KCTD16: variants seen among roughly 807,000 people sequenced by gnomAD.
KCTD16 encodes BTB/POZ domain-containing protein KCTD16.
A neutral mutation model predicts 33.2 loss-of-function variants in KCTD16; 13 were observed. The observed-to-expected ratio is 0.39, with a 90% CI of 0.25 to 0.62. The LOEUF is 0.62. Among genes scored for constraint, KCTD16 ranks in the 20% least tolerant of loss-of-function variants. The pLI is 0.50. For synonymous variants in KCTD16, 197 were observed against 195.3 expected, an observed-to-expected ratio of 1.01 and a Z score of -0.07; for missense variants, 441 against 525.1, an observed-to-expected ratio of 0.84 and a Z score of 1.57.
At chr5:144,329,870 G>A (rs146255809) in intron 3 of KCTD16, among the ~76,000 whole-genome samples, 1 of 152,248 alleles carries the variant, frequency 6.6e-6, no homozygotes, top group African/African-American at 2.4e-5. Context: ...AGACATGAAG[G>A]TATTTGAAGT....
chr5:144,427,198 A>G (rs1034565971), intron 3 of KCTD16, among the ~76,000 whole-genome samples: 4 of 151,968 alleles, frequency 2.6e-5, no homozygotes, highest in Admixed American at 6.6e-5. Context: ...GTTTCAGGAT[A>G]AAGAAGTTGG....
chr5:144,175,766 T>C (rs1752491622), intron 2 of KCTD16, among the ~76,000 whole-genome samples: 1 of 152,226 alleles, frequency 6.6e-6, no homozygotes, highest in Non-Finnish European at 1.5e-5. Flanking sequence ...AAGGGTTGTA[T>C]GATATAATGT....
At chr5:144,260,318 A>C (rs1357242784) in intron 3 of KCTD16, among the ~76,000 whole-genome samples, 1 of 152,188 alleles carries the variant, frequency 6.6e-6, no homozygotes, top group Non-Finnish European at 1.5e-5. Context: ...ACCTGGAAAT[A>C]ATTAAACTCT....
chr5:144,452,792 AAAG>A (rs1261678599), intron 3 of KCTD16, among the ~76,000 whole-genome samples: 1 of 151,938 alleles, frequency 6.6e-6, no homozygotes, highest in East Asian at 1.9e-4. Context: ...AAAAAGGAAA[AAAG>A]AAGCCTCACA....
chr5:144,280,682 C>G (rs1013654818), intron 3 of KCTD16, among the ~76,000 whole-genome samples: 1 of 152,138 alleles, frequency 6.6e-6, no homozygotes, highest in East Asian at 1.9e-4. Context: ...CCCAGCACTT[C>G]GGGAGGCCAA....
At chr5:144,363,938 G>A (rs1467070461) in intron 3 of KCTD16, among the ~76,000 whole-genome samples, 1 of 152,126 alleles carries the variant, frequency 6.6e-6, no homozygotes, top group African/African-American at 2.4e-5. Flanking sequence ...GATAATGCAG[G>A]TTGATGGGCT....
chr5:144,278,466 A>C (rs1000359647), intron 3 of KCTD16, among the ~76,000 whole-genome samples: 34 of 99,602 alleles, frequency 3.4e-4, no homozygotes, highest in African/African-American at 1.3e-3. Context: ...TGTTTTGACT[A>C]TTTTTGTTTG....
chr5:144,383,339 C>A (rs1470926934), intron 3 of KCTD16, among the ~76,000 whole-genome samples: 1 of 152,116 alleles, frequency 6.6e-6, no homozygotes, highest in Non-Finnish European at 1.5e-5. Flanking sequence ...TTTCTTTTCA[C>A]ATTTTGTTGA....
chr5:144,247,331 A>G (rs976453206), intron 3 of KCTD16, among the ~76,000 whole-genome samples: 1 of 152,156 alleles, frequency 6.6e-6, no homozygotes, highest in African/African-American at 2.4e-5. Flanking sequence ...AAGAAATCTG[A>G]TCACCCTGAG....
chr5:144,463,058 C>G (rs1461458222), intron 3 of KCTD16, among the ~76,000 whole-genome samples: 3 of 152,156 alleles, frequency 2.0e-5, no homozygotes, highest in Non-Finnish European at 2.9e-5. Context: ...TTCTACTGCT[C>G]TTAGAGTCAC....
chr5:144,470,480 T>A (rs1468905204), intron 3 of KCTD16, among the ~76,000 whole-genome samples: 1 of 152,174 alleles, frequency 6.6e-6, no homozygotes, highest in African/African-American at 2.4e-5. Flanking sequence ...TAATATTGGA[T>A]CAGCTGGATG....
intron 3 of KCTD16, among the ~76,000 whole-genome samples, chr5:144,351,749 C>T (rs190079090): frequency 6.6e-6 from 1 of 152,196 alleles, no homozygotes; most frequent in Admixed American, 6.5e-5. Flanking sequence ...CTGTCATTTG[C>T]AACAACATGA....
chr5:144,278,694 T>G (rs888858360), intron 3 of KCTD16, among the ~76,000 whole-genome samples: 10 of 151,808 alleles, frequency 6.6e-5, no homozygotes, highest in Non-Finnish European at 1.3e-4. Flanking sequence ...AGACGGGGTT[T>G]CACCTTGTTA....
intron 3 of KCTD16, among the ~76,000 whole-genome samples, chr5:144,321,184 C>G (rs1752065113): frequency 6.6e-6 from 1 of 152,136 alleles, no homozygotes; most frequent in African/African-American, 2.4e-5. Flanking sequence ...GAAAACTTTG[C>G]TACTCTATTG....
chr5:144,273,038 C>T (rs777813757), intron 3 of KCTD16, among the ~76,000 whole-genome samples: 3 of 152,014 alleles, frequency 2.0e-5, no homozygotes, highest in East Asian at 3.9e-4. Flanking sequence ...ATAAAGGTAA[C>T]CCACAAGATA....
At chr5:144,287,754 A>T (rs1755786021) in intron 3 of KCTD16, among the ~76,000 whole-genome samples, 1 of 152,064 alleles carries the variant, frequency 6.6e-6, no homozygotes. Context: ...CTCCTGCCTC[A>T]GCCTCCCGAG....
At chr5:144,456,756 C>A (rs558239666) in intron 3 of KCTD16, among the ~76,000 whole-genome samples, 96 of 138,034 alleles carry the variant, frequency 7.0e-4, no homozygotes, top group African/African-American at 2.3e-3. Context: ...CCACAGAACT[C>A]TTTTTTTTTT....
chr5:144,388,205 G>T (rs1424785098), intron 3 of KCTD16, among the ~76,000 whole-genome samples: 1 of 148,124 alleles, frequency 6.8e-6, no homozygotes, highest in Admixed American at 6.8e-5. Context: ...TCAGCCTCCC[G>T]AGTAGCTGGG....
At chr5:144,243,329 A>G (rs898806346) in intron 3 of KCTD16, among the ~76,000 whole-genome samples, 7 of 152,316 alleles carry the variant, frequency 4.6e-5, no homozygotes, top group African/African-American at 1.7e-4. Flanking sequence ...AGAAGAAGTC[A>G]CTATGTGCAG....
Sources: allele counts gnomAD v4.1 joint callset (sites outside exome capture counted in the v4.1 genomes callset), GRCh38; gene constraint gnomAD v4.1.1; transcripts MANE v1.5; gene names NCBI Gene and HGNC (gene_info 2026-07-23, HGNC 2026-07-21).